Variants in MGAM2 observed in about 807,000 individuals in gnomAD.
MGAM2 encodes the protein probable maltase-glucoamylase 2.
Under a neutral mutation model 96.1 loss-of-function variants are expected in MGAM2, and 98 were observed. The ratio of observed to expected loss-of-function variants is 1.02; its 90% CI spans 0.87 to 1.21. The LOEUF (loss-of-function observed/expected upper bound fraction) is 1.21, where lower values mean the gene tolerates loss of function less well. Ranked by LOEUF, MGAM2 falls within the 50% of genes most tolerant of loss-of-function variation. The pLI, the probability that MGAM2 is intolerant of heterozygous loss-of-function variation, is 0.00. For synonymous variants in MGAM2, 749 were observed against 414.8 expected, an observed-to-expected ratio of 1.81 and a Z score of -9.79; for missense variants, 2,055 against 1,182.4, an observed-to-expected ratio of 1.74 and a Z score of -10.82.
At chr7:142,152,755 A>G (rs1056685267) in intron 15 of MGAM2, among the ~76,000 whole-genome samples, 1 of 152,140 alleles carries the variant, frequency 6.6e-6, no homozygotes, top group African/African-American at 2.4e-5. Flanking sequence ...ACTGTCCTTT[A>G]ATTGTATTAT....
chr7:142,150,182 C>A (rs1563261772), intron 15 of MGAM2, among the ~76,000 whole-genome samples: 1 of 151,516 alleles, frequency 6.6e-6, no homozygotes, highest in Non-Finnish European at 1.5e-5. Flanking sequence ...CTCTGGTGAT[C>A]CGCCCACCTC....
Position 142,222,198 on chromosome 7 carries a change from A to C in MGAM2, c.*139A>C. ...GATATTAGTACTCTAGCCATAAAAGACACAGCTACTCCAAACACTCTCGTC... is the reference window on the plus strand; with the variant it reads ...GATATTAGTACTCTAGCCATAAAAGCCACAGCTACTCCAAACACTCTCGTC... On this transcript the variant is annotated 3_prime_UTR_variant, in exon 48 of 48. Coordinates refer to ENST00000477922, the MANE Select transcript of MGAM2 (RefSeq NM_001293626.2). The C allele has an allele frequency of 2.5e-6, 1 of 395,394 alleles. No individual in the cohort carries two copies. Among genetic ancestry groups the C allele is most frequent in the Non-Finnish European group, 4.5e-6 (1 of 224,186 alleles). 24.5% of individuals were successfully genotyped at this position (395,394 alleles called of 1,614,324 possible).
rs956898669 is a variant in MGAM2 at position 142,173,136 on chromosome 7, C to G, written c.3562-93C>G. On this transcript the variant is annotated intron_variant, in intron 30 of 47. Transcript: ENST00000477922. ...CTTGGGTGAGGCCTCTTATACAGTA[C>G]TTAGCAGAAACACTCAAGTTGATTC... 9 of 671,386 alleles carry G rather than the reference C, an allele frequency of 1.3e-5. No individual in the cohort carries two copies. In the Admixed American group the frequency reaches 1.7e-4, roughly 12 times the overall value. The allele number at this position is 671,386 out of a possible 1,614,324, so 41.6% of individuals were successfully genotyped here. A position where few individuals can be genotyped will look rare whatever the true frequency, so the allele number is the denominator to read the frequency against.
At chr7:142,201,082 C>CTTTTTTTTTTT (rs1314170979) in intron 45 of MGAM2, among the ~76,000 whole-genome samples, 27 of 108,534 alleles carry the variant, frequency 2.5e-4, no homozygotes, top group East Asian at 5.4e-4. Context: ...TTTTTTTTTT[C>CTTTTTTTTTTT]TTTTTTTTTT....
rs373378802 is a variant in MGAM2, at chr7:142,152,813, G to A, written c.1635-1205G>A. Among the ~76,000 whole-genome samples the A allele has an allele frequency of 7.2e-5, 11 of 151,874 alleles. No homozygotes were observed. In the South Asian group the frequency reaches 1.9e-3, roughly 26 times the overall value. ...GGAAGATGTGGGCTTTTTACCACAG[G>A]GGGGAAAAAAGAAAAGAGGAGAGTC... On this transcript the variant is annotated intron_variant, in intron 15 of 47. Coordinates refer to ENST00000477922, the MANE Select transcript of MGAM2 (RefSeq NM_001293626.2).
chr7:142,153,377 A>T (rs1232992092), intron 15 of MGAM2, among the ~76,000 whole-genome samples: 2 of 152,212 alleles, frequency 1.3e-5, no homozygotes, highest in African/African-American at 4.8e-5. Flanking sequence ...TTTCTATGTT[A>T]GTTGTTTTTA....
intron 3 of MGAM2, among the ~76,000 whole-genome samples, chr7:142,130,486 C>T (rs1371463771): frequency 2.0e-5 from 3 of 152,182 alleles, no homozygotes; most frequent in East Asian, 1.9e-4. Context: ...CTGCTTTCTC[C>T]GCCAGGAATA....
intron 2 of MGAM2, among the ~76,000 whole-genome samples, chr7:142,119,995 A>T (rs1330210195): frequency 6.6e-6 from 1 of 152,244 alleles, no homozygotes; most frequent in East Asian, 1.9e-4. Context: ...AGGTTGTACA[A>T]CTTCATAACT....
intron 2 of MGAM2, among the ~76,000 whole-genome samples, chr7:142,117,739 T>G (rs1363228273): frequency 6.6e-6 from 1 of 152,158 alleles, no homozygotes; most frequent in African/African-American, 2.4e-5. Context: ...CTGAAAACCA[T>G]TGATATAAGC....
At chr7:142,189,305 G>A in intron 36 of MGAM2, 62 bp from the exon 37 acceptor site, 1 of 584,536 alleles carries the variant, frequency 1.7e-6, no homozygotes, top group Non-Finnish European at 3.1e-6. Flanking sequence ...CCAAAATGAT[G>A]GGCATTTCTA....
rs146931985 is a variant in MGAM2 at position 142,200,295 on chromosome 7, T to C, written c.5137+327T>C. On this transcript the variant is annotated intron_variant, in intron 45 of 47. Transcript: ENST00000477922. ...AGGCTGATGGTTAATTCATTCTCAA[T>C]GGGACAGAAACATGACTCTATCATT... Among the ~76,000 whole-genome samples the C allele has an allele frequency of 3.7e-4, 57 of 152,290 alleles. 1 individual carries two copies. Among genetic ancestry groups the C allele is most frequent in the Middle Eastern group, 3.4e-3 (1 of 294 alleles).
At chr7:142,213,763 G>T (rs529607080) in intron 46 of MGAM2, among the ~76,000 whole-genome samples, 1 of 152,058 alleles carries the variant, frequency 6.6e-6, no homozygotes, top group Non-Finnish European at 1.5e-5. Flanking sequence ...AACTGGTACC[G>T]TTCCTCCTGA....
chr7:142,133,070 T>C (rs1288963245), intron 6 of MGAM2, among the ~76,000 whole-genome samples: 1 of 134,658 alleles, frequency 7.4e-6, no homozygotes, highest in Non-Finnish European at 1.5e-5. Context: ...TAATTATATT[T>C]AATTTATATT....
intron 17 of MGAM2, among the ~76,000 whole-genome samples, chr7:142,155,759 G>A (rs1432370916): frequency 6.6e-6 from 1 of 152,174 alleles, no homozygotes; most frequent in African/African-American, 2.4e-5. Context: ...AGATAACCCA[G>A]GAAGCTAGGT....
At chr7:142,127,198 G>A (rs2129075884) in intron 3 of MGAM2, among the ~76,000 whole-genome samples, 1 of 152,174 alleles carries the variant, frequency 6.6e-6, no homozygotes, top group South Asian at 2.1e-4. Context: ...TACTTTTCTA[G>A]TGTCTTGGGT....
chr7:142,170,143 T>C lies in MGAM2; in HGVS notation c.3096T>C (p.Gly1032=). The C allele has an allele frequency of 1.4e-6, 1 of 702,876 alleles. No homozygotes were observed. The allele number at this position is 702,876 out of a possible 1,614,324, so 43.5% of individuals were successfully genotyped here. Residue 1032 remains glycine (G), a synonymous_variant, in exon 27 of 48, where the codon GGT becomes GGC. Transcript: ENST00000477922. ...TGAACACCCCTCCCCAACCAGTTGG[T>C]GACCCTGAAAACCGTCTGTATGATG... The part of the protein sequence containing the change: ...VPLNTPPQPV[G]DPENRLYDVR...
In MGAM2 at chr7:142,180,969, A is replaced by G. The variant is rs542016876; in HGVS notation, c.3817-2297A>G. Among the ~76,000 whole-genome samples, 15 of 152,286 alleles carry G rather than the reference A, an allele frequency of 9.8e-5. No homozygotes were observed. The South Asian group carries it at 2.7e-3, about 27-fold the overall frequency. On this transcript the variant is annotated intron_variant, in intron 32 of 47. Coordinates refer to ENST00000477922, the MANE Select transcript of MGAM2 (RefSeq NM_001293626.2). ...TCATTTTACTGGCTTCTTTGAATTG[A>G]GTTTCAACATTCTCCTGAATCTTGT...
At chr7:142,134,609 C>T (rs977708500) in intron 7 of MGAM2, among the ~76,000 whole-genome samples, 1 of 151,960 alleles carries the variant, frequency 6.6e-6, no homozygotes, top group Non-Finnish European at 1.5e-5. Flanking sequence ...TTGGCATTAC[C>T]TGGGAGGTTG....
rs1306114873 is a variant in MGAM2 at position 142,115,970 on chromosome 7, G to A, written c.1-904G>A. Among the ~76,000 whole-genome samples the A allele has an allele frequency of 3.3e-5, 5 of 152,158 alleles. No individual in the cohort carries two copies. The East Asian group carries it at 9.6e-4, about 29-fold the overall frequency. On this transcript the variant is annotated intron_variant, in intron 1 of 47. Coordinates refer to ENST00000477922, the MANE Select transcript of MGAM2 (RefSeq NM_001293626.2). ...CAGTTCTGGGGATGATAAATTCCAG[G>A]GGCTAGCAAACATTTGAGGATGATG...
Sources: gnomAD v4.1 joint callset for allele counts (sites outside exome capture counted in the v4.1 genomes callset) on GRCh38, gnomAD v4.1.1 for gene constraint, MANE v1.5 for transcripts, NCBI Gene and HGNC (gene_info 2026-07-23, HGNC 2026-07-21) for gene names.